The following SHPRH variants were observed in gnomAD, a reference collection of about 807,000 sequenced individuals.
The protein encoded by SHPRH is SNF2 histone linker PHD RING helicase.
A neutral mutation model predicts 202.5 loss-of-function variants in SHPRH; 106 were observed. That is an observed-to-expected ratio of 0.52 (90% CI 0.45 to 0.62). SHPRH has a LOEUF of 0.62. SHPRH is among the 20% of genes least tolerant of loss of function. The probability of loss-of-function intolerance (pLI) is 0.00; values close to 1 mark genes in which losing one functional copy is unlikely to be tolerated. For missense variants in SHPRH, 1,710 were observed against 2,020.0 expected (o/e 0.85, Z 2.94); for synonymous variants, 729 against 686.0 (o/e 1.06, Z -0.98).
intron 16 of SHPRH, among the ~76,000 whole-genome samples, chr6:145,925,503 C>T (rs1184834136): frequency 1.3e-5 from 2 of 151,694 alleles, no homozygotes; most frequent in Non-Finnish European, 2.9e-5. Context: ...TACCAGGGCA[C>T]CTCCGCCCCC....
At chr6:145,906,205 T>C (rs572613095) in intron 25 of SHPRH, 5 of 152,222 alleles carry the variant, frequency 3.3e-5, no homozygotes, top group East Asian at 1.9e-4. Flanking sequence ...CTATAATTTA[T>C]TGAACCCTAC....
intron 16 of SHPRH, among the ~76,000 whole-genome samples, chr6:145,925,248 A>G (rs1000044856): frequency 1.3e-5 from 2 of 151,716 alleles, no homozygotes; most frequent in Non-Finnish European, 2.9e-5. Flanking sequence ...AATCCTTGAG[A>G]ATACACAGTA....
At chr6:145,865,839 A>AT (rs947335437) in intron 2 of SHPRH, among the ~76,000 whole-genome samples, 18 of 152,024 alleles carry the variant, frequency 1.2e-4, no homozygotes, top group South Asian at 2.1e-4. Context: ...TTCATTTCCT[A>AT]TTTTTTTTCT....
rs571370514 is a variant in SHPRH, at chr6:145,928,850, G to GTT, written c.3113-1574_3113-1573insAA. 4.0e-3 allele frequency among the ~76,000 whole-genome samples: 601 copies of GTT among 150,656 alleles called. 8 individuals carry two copies. The highest frequency in any genetic ancestry group is 0.014 in the African/African-American group (570 of 40,324). On this transcript the variant is annotated intron_variant, in intron 14 of 29. Transcript: ENST00000275233. ...CCAATTTCTATTCCCTTTAAATAAG[G>GTT]GAGAAGATTATTTTCACAATAATAA...
At chr6:145,875,987 T>G (rs1780283534) in intron 2 of SHPRH, among the ~76,000 whole-genome samples, 1 of 152,356 alleles carries the variant, frequency 6.6e-6, no homozygotes, top group Middle Eastern at 3.4e-3. Context: ...ACTTTAAAAA[T>G]GTTTCAAAAA....
rs1788388092 is a variant in SHPRH, at chr6:145,955,257, A to G, written c.66T>C (p.His22=). The G allele has an allele frequency of 1.9e-6, 3 of 1,612,518 alleles. No homozygotes were observed. Among genetic ancestry groups the G allele is most frequent in the South Asian group, 1.1e-5 (1 of 91,072 alleles). Residue 22 remains histidine (H), a synonymous_variant, in exon 2 of 30, where the codon CAT becomes CAC. Coordinates refer to ENST00000275233, the MANE Select transcript of SHPRH (RefSeq NM_001042683.3). ...RVDEEKRQQL[H]WNMHEDRRNE... ...TCCTTCTGTCCTCATGCATATTCCA[A>G]TGAAGCTGCTGCCTCTTTTCCTCAT...
At chr6:145,914,901 G>A (rs1365860382) in intron 23 of SHPRH, among the ~76,000 whole-genome samples, 2 of 151,780 alleles carry the variant, frequency 1.3e-5, no homozygotes, top group Admixed American at 6.6e-5. Flanking sequence ...AATGTTCCAC[G>A]TACACCTAAA....
chr6:145,873,143 A>C (rs1780131449), intron 2 of SHPRH, among the ~76,000 whole-genome samples: 1 of 152,180 alleles, frequency 6.6e-6, no homozygotes, highest in African/African-American at 2.4e-5. Context: ...CCTATGTAAC[A>C]AACCTGCATA....
At chr6:145,858,648 G>C in the SHPRH span, among the ~76,000 whole-genome samples, 17 of 152,168 alleles carry the variant, frequency 1.1e-4, no homozygotes, top group East Asian at 2.9e-3. Flanking sequence ...TGACTGTGGT[G>C]ATGGTTTCAT....
At chr6:145,919,274 G>T (rs1784218299) in intron 22 of SHPRH, 74 bp downstream of exon 22, 1 of 1,573,178 alleles carries the variant, frequency 6.4e-7, no homozygotes. Context: ...CCCTGATTCT[G>T]CCTTTTCTAT....
At chr6:145,892,004 T>A (rs1781608516) in intron 28 of SHPRH, among the ~76,000 whole-genome samples, 1 of 152,180 alleles carries the variant, frequency 6.6e-6, no homozygotes, top group South Asian at 2.1e-4. Flanking sequence ...TACAGTTACT[T>A]TGCCCTATTT....
In SHPRH at chr6:145,955,140, T is replaced by C. The variant is rs779345376; in HGVS notation, c.183A>G (p.Leu61=). 3 of 1,613,858 alleles carry C rather than the reference T, an allele frequency of 1.9e-6. No individual in the cohort carries two copies. The East Asian group carries it at 6.7e-5, about 36-fold the overall frequency. ...TATCTCTGTGAGCCACTTCTTCCTT[T>C]AGACTATCACTTAGAATGATATAAT... ...SAHYIILSDS[L]KEEVAHRDKK... The change falls in exon 2 of 30, where the codon CTA becomes CTG. Residue 61 remains leucine, a synonymous_variant. Coordinates refer to ENST00000275233, the MANE Select transcript of SHPRH (RefSeq NM_001042683.3).
intron 25 of SHPRH, 111 bp downstream of exon 25, chr6:145,910,337 C>CTT: frequency 8.2e-7 from 1 of 1,219,724 alleles, no homozygotes; most frequent in Admixed American, 2.1e-5. Context: ...ACAGTGGCGT[C>CTT]TACCTATTCA....
chr6:145,935,694 C>T, intron 11 of SHPRH: 1 of 335,172 alleles, frequency 3.0e-6, no homozygotes, highest in Non-Finnish European at 5.4e-6. Context: ...ACAGCTTATA[C>T]TTAATTCAAA....
chr6:145,898,963 C>T (rs1227287960), intron 25 of SHPRH, among the ~76,000 whole-genome samples: 1 of 151,990 alleles, frequency 6.6e-6, no homozygotes, highest in Non-Finnish European at 1.5e-5. Context: ...AGGTGTGCAC[C>T]ACCACACCTG....
intron 2 of SHPRH, among the ~76,000 whole-genome samples, chr6:145,954,153 A>G (rs552465243): frequency 6.6e-6 from 1 of 152,012 alleles, no homozygotes; most frequent in South Asian, 2.1e-4. Flanking sequence ...CTCAAGCAGA[A>G]GGAACTATAA....
chr6:145,893,371 C>T lies in SHPRH; in HGVS notation c.4718G>A (p.Arg1573His), dbSNP rs1376638996. The change falls in exon 28 of 30, where the codon CGT becomes CAT. Residue 1573 changes from arginine (R) to histidine (H), a missense_variant. Arg to His is a conservative substitution (Grantham distance 29). Transcript: ENST00000275233. ...TFQENLSAFK[R>H]DPQINILLLP... ...CAGCAAAATATTGATTTGGGGATCA[C>T]GTTTAAATGCTGAAAGGTTCTCCTA... The T allele has an allele frequency of 7.6e-6, 12 of 1,587,128 alleles. No homozygotes were observed. In the East Asian group the frequency reaches 1.1e-4, roughly 15 times the overall value.
In SHPRH at chr6:145,922,395, A is replaced by G; in HGVS notation, c.3720-47T>C. On this transcript the variant is annotated intron_variant, in intron 19 of 29. Transcript: ENST00000275233. ...GAAATATTCACAAACATAACCAGCA[A>G]TCTGGTAATTTTAAGGAGAAGCTTA... 2.6e-6 allele frequency: 4 copies of G among 1,526,152 alleles called. No individual in the cohort carries two copies. In the South Asian group the frequency reaches 4.9e-5, roughly 19 times the overall value. The allele number at this position is 1,526,152 out of a possible 1,614,324, so 94.5% of individuals were successfully genotyped here.
chr6:145,919,990 C>T (rs936142289), intron 21 of SHPRH, among the ~76,000 whole-genome samples: 10 of 152,094 alleles, frequency 6.6e-5, no homozygotes, highest in Admixed American at 2.6e-4. Context: ...GGGGCAACCA[C>T]TATTCTGAAT....
Sources: gnomAD v4.1 joint callset for allele counts (sites outside exome capture counted in the v4.1 genomes callset) on GRCh38, gnomAD v4.1.1 for gene constraint, MANE v1.5 for transcripts, NCBI Gene and HGNC (gene_info 2026-07-23, HGNC 2026-07-21) for gene names.